The following RGS3 variants were observed in gnomAD, a reference collection of about 807,000 sequenced individuals.
RGS3 encodes regulator of G protein signaling 3.
A neutral mutation model predicts 132.6 loss-of-function variants in RGS3; 80 were observed. That is an observed-to-expected ratio of 0.60 (90% confidence interval 0.50 to 0.73). The LOEUF (loss-of-function observed/expected upper bound fraction) is 0.73, where lower values mean the gene tolerates loss of function less well. Among genes scored for constraint, RGS3 ranks in the 30% least tolerant of loss-of-function variants. The pLI is 0.00. For missense variants in RGS3, 1,382 were observed against 1,530.8 expected (o/e 0.90, Z 1.62); for synonymous variants, 598 against 620.6 (o/e 0.96, Z 0.54).
intron 19 of RGS3, among the ~76,000 whole-genome samples, chr9:113,563,354 A>C (rs1833868711): frequency 6.6e-6 from 1 of 152,180 alleles, no homozygotes; most frequent in Non-Finnish European, 1.5e-5. Context: ...CCTGGCACAG[A>C]GTCTATGCTC....
intron 3 of RGS3, among the ~76,000 whole-genome samples, chr9:113,469,042 ATTTTTTT>A (rs145400431): frequency 0.011 from 1,162 of 102,128 alleles, 22 homozygotes; most frequent in African/African-American, 0.039. Context: ...TTTGCTCAGC[ATTTTTTT>A]TTTTTTTTTT....
chr9:113,497,250 G>A, intron 8 of RGS3, 64 bp from the exon 7 acceptor site: 1 of 1,317,734 alleles, frequency 7.6e-7, no homozygotes, highest in Non-Finnish European at 1.1e-6. Context: ...AGGGGGATTG[G>A]TGGCTGCCTG....
At chr9:113,553,533 A>G (rs905311010) in intron 19 of RGS3, among the ~76,000 whole-genome samples, 6 of 137,926 alleles carry the variant, frequency 4.4e-5, no homozygotes, top group Non-Finnish European at 9.3e-5. Flanking sequence ...AGAAATATAT[A>G]TTATATAATT....
intron 19 of RGS3, among the ~76,000 whole-genome samples, chr9:113,570,541 T>C (rs1273753878): frequency 1.4e-5 from 2 of 147,098 alleles, no homozygotes; most frequent in Non-Finnish European, 3.0e-5. Flanking sequence ...CAATGAATTT[T>C]CCACAAAGCG....
At chr9:113,484,082 T>C in intron 5 of RGS3, 56 bp from the exon 4 acceptor site, 1 of 1,060,920 alleles carries the variant, frequency 9.4e-7, no homozygotes, top group Non-Finnish European at 1.5e-6. Flanking sequence ...AGTCAGCTGC[T>C]GGGCTTAGGT....
At chr9:113,588,458 C>T (rs999280233) in intron 20 of RGS3, among the ~76,000 whole-genome samples, 1 of 152,202 alleles carries the variant, frequency 6.6e-6, no homozygotes, top group African/African-American at 2.4e-5. Flanking sequence ...CTGAGCCCTG[C>T]TCACAGACGA....
At chr9:113,483,238 CTCATCTTCTCAAT>C in intron 5 of RGS3, 121 bp downstream of exon 3, 1 of 699,118 alleles carries the variant, frequency 1.4e-6, no homozygotes, top group Non-Finnish European at 2.5e-6. Flanking sequence ...TGCCATCTCA[CTCATCTTCTCAAT>C]AGGCATTTAT....
intron 19 of RGS3, among the ~76,000 whole-genome samples, chr9:113,559,199 T>C (rs1419126971): frequency 3.3e-5 from 5 of 152,266 alleles, no homozygotes; most frequent in Admixed American, 2.6e-4. Context: ...GGCTCTGTGC[T>C]GAACACTTCC....
intron 18 of RGS3, among the ~76,000 whole-genome samples, chr9:113,531,098 T>C (rs1175161038): frequency 6.6e-6 from 1 of 152,228 alleles, no homozygotes; most frequent in Non-Finnish European, 1.5e-5. Flanking sequence ...GCAGCTCTGA[T>C]TGTTCTCTAG....
intron 19 of RGS3, among the ~76,000 whole-genome samples, chr9:113,564,603 C>T (rs1280760124): frequency 6.6e-6 from 1 of 152,176 alleles, no homozygotes; most frequent in Non-Finnish European, 1.5e-5. Context: ...CCCCGCAGTT[C>T]CTCCTTGGGG....
intron 16 of RGS3, among the ~76,000 whole-genome samples, chr9:113,518,808 C>T (rs1441552592): frequency 6.6e-6 from 1 of 152,046 alleles, no homozygotes; most frequent in African/African-American, 2.4e-5. Context: ...AAAACTTCAT[C>T]TGTTGGGAGG....
intron 3 of RGS3, among the ~76,000 whole-genome samples, chr9:113,468,418 A>G (rs902626877): frequency 1.3e-5 from 2 of 152,160 alleles, no homozygotes; most frequent in African/African-American, 4.8e-5. Context: ...TCTGCCTATT[A>G]TCATTCCAGT....
intron 19 of RGS3, chr9:113,541,884 C>T (rs749426639): frequency 5.6e-5 from 55 of 985,744 alleles, no homozygotes; most frequent in Non-Finnish European, 6.3e-5. Context: ...ATGGATATTT[C>T]GGGTGCATCT....
At chr9:113,532,237 C>T (rs12345524) in intron 18 of RGS3, among the ~76,000 whole-genome samples, 18,147 of 152,174 alleles carry the variant, frequency 0.12, 1,300 homozygotes, top group African/African-American at 0.19. Context: ...AGTTGGATCA[C>T]ACCCTGGATT....
At chr9:113,575,870 T>G (rs998613727) in intron 19 of RGS3, among the ~76,000 whole-genome samples, 1 of 152,164 alleles carries the variant, frequency 6.6e-6, no homozygotes. Flanking sequence ...GAACCAATAG[T>G]CTAGGTCGGT....
chr9:113,589,584 C>T (rs558876575), intron 20 of RGS3, among the ~76,000 whole-genome samples: 9 of 152,236 alleles, frequency 5.9e-5, no homozygotes, highest in South Asian at 4.1e-4. Context: ...CGATAAAGTA[C>T]GGAAGCTGAG....
chr9:113,501,756 T>G (rs1830908841), intron 10 of RGS3: 1 of 1,021,128 alleles, frequency 9.8e-7, no homozygotes, highest in African/African-American at 1.6e-5. Flanking sequence ...GCAGGCTCAC[T>G]TGGATATGGG....
At chr9:113,517,624 G>A in exon 16 of RGS3, 1 of 1,613,086 alleles carries the variant, frequency 6.2e-7, no homozygotes, top group South Asian at 1.1e-5. Context: ...AGGCTGCCGA[G>A]GTAAGACTTT....
chr9:113,594,818 G>C (rs952615302), intron 22 of RGS3, 101 bp from the exon 21 acceptor site: 2 of 1,157,140 alleles, frequency 1.7e-6, no homozygotes, highest in African/African-American at 3.0e-5. Flanking sequence ...CTCAGCTGCA[G>C]ACTGGGCCCA....
Sources: allele counts gnomAD v4.1 joint callset (sites outside exome capture counted in the v4.1 genomes callset), GRCh38; gene constraint gnomAD v4.1.1; transcripts MANE v1.5; gene names NCBI Gene and HGNC (gene_info 2026-07-23, HGNC 2026-07-21).